Variants in MGAT4C observed in about 807,000 individuals in gnomAD.
The protein encoded by MGAT4C is alpha-1,3-mannosyl-glycoprotein 4-beta-N-acetylglucosaminyltransferase C.
A neutral mutation model predicts 40.1 loss-of-function variants in MGAT4C; 19 were observed. That is an observed-to-expected ratio of 0.47 (90% CI 0.33 to 0.70). MGAT4C has a LOEUF of 0.70. Ranked by LOEUF, MGAT4C falls within the 30% of genes least tolerant of loss-of-function variation. The pLI is 0.02. For synonymous variants in MGAT4C, 181 were observed against 187.1 expected, an observed-to-expected ratio of 0.97 and a Z score of 0.27; for missense variants, 491 against 563.2, an observed-to-expected ratio of 0.87 and a Z score of 1.30.
intron 2 of MGAT4C, among the ~76,000 whole-genome samples, chr12:86,003,975 A>C (rs1592662211): frequency 6.6e-6 from 1 of 152,106 alleles, no homozygotes; most frequent in East Asian, 1.9e-4. Flanking sequence ...TTGATTATTT[A>C]AGAGAACTGA....
chr12:86,104,736 T>G (rs958126852), intron 1 of MGAT4C, among the ~76,000 whole-genome samples: 1 of 152,214 alleles, frequency 6.6e-6, no homozygotes, highest in Admixed American at 6.5e-5. Context: ...ATAAGTGAAG[T>G]ATGTTTTCTG....
chr12:86,696,381 G>C (rs545777041), intron 2 of MGAT4C, among the ~76,000 whole-genome samples: 45 of 152,162 alleles, frequency 3.0e-4, no homozygotes, highest in African/African-American at 1.1e-3. Context: ...AAAAAAAGTG[G>C]TTAGTCAAAA....
intron 1 of MGAT4C, among the ~76,000 whole-genome samples, chr12:86,760,404 T>G (rs368749821): frequency 4.6e-5 from 7 of 151,958 alleles, no homozygotes; most frequent in African/African-American, 1.7e-4. Context: ...TTTGGATAAG[T>G]AGCTTTTCCA....
intron 3 of MGAT4C, among the ~76,000 whole-genome samples, chr12:86,337,685 G>A (rs947298270): frequency 6.6e-6 from 1 of 151,774 alleles, no homozygotes; most frequent in African/African-American, 2.4e-5. Context: ...AACTTTGTTT[G>A]AGTAAATATT....
At chr12:86,663,911 A>G (rs1964039251) in intron 2 of MGAT4C, among the ~76,000 whole-genome samples, 1 of 152,182 alleles carries the variant, frequency 6.6e-6, no homozygotes, top group Admixed American at 6.5e-5. Context: ...CCAACACTGA[A>G]GTTCAAATTA....
intron 1 of MGAT4C, among the ~76,000 whole-genome samples, chr12:86,202,283 T>C (rs1950081800): frequency 6.6e-6 from 1 of 152,090 alleles, no homozygotes; most frequent in Non-Finnish European, 1.5e-5. Context: ...AGAGGAAATT[T>C]TCATTTATTC....
At chr12:86,443,750 T>C (rs966626621) in intron 2 of MGAT4C, among the ~76,000 whole-genome samples, 5 of 151,964 alleles carry the variant, frequency 3.3e-5, no homozygotes, top group Admixed American at 6.6e-5. Flanking sequence ...CCTGCCACCA[T>C]GTCAGGCTAA....
intron 2 of MGAT4C, among the ~76,000 whole-genome samples, chr12:86,486,683 A>G (rs1404318497): frequency 6.6e-6 from 1 of 152,160 alleles, no homozygotes; most frequent in Non-Finnish European, 1.5e-5. Context: ...GCAAACAACT[A>G]ACAAAAAAAT....
intron 3 of MGAT4C, among the ~76,000 whole-genome samples, chr12:86,424,915 C>T (rs1956897277): frequency 6.6e-6 from 1 of 152,018 alleles, no homozygotes; most frequent in Non-Finnish European, 1.5e-5. Flanking sequence ...TGCTCCAATG[C>T]CTGGCTAATT....
intron 1 of MGAT4C, among the ~76,000 whole-genome samples, chr12:86,144,616 T>C (rs956013090): frequency 6.6e-6 from 1 of 152,218 alleles, no homozygotes; most frequent in South Asian, 2.1e-4. Flanking sequence ...ATTCATTTTA[T>C]CAGGATCTCA....
At chr12:86,201,193 T>C (rs1216356840) in intron 1 of MGAT4C, among the ~76,000 whole-genome samples, 1 of 152,208 alleles carries the variant, frequency 6.6e-6, no homozygotes, top group Non-Finnish European at 1.5e-5. Context: ...TTCTAGAAAC[T>C]ATTATTTTAA....
chr12:86,492,215 T>A (rs535056525), intron 2 of MGAT4C, among the ~76,000 whole-genome samples: 11 of 152,298 alleles, frequency 7.2e-5, no homozygotes, highest in African/African-American at 2.6e-4. Flanking sequence ...AAAATGGCCA[T>A]ATTGCCCAAG....
chr12:86,773,122 G>A (rs1358529756), intron 1 of MGAT4C, among the ~76,000 whole-genome samples: 2 of 152,112 alleles, frequency 1.3e-5, no homozygotes, highest in Non-Finnish European at 1.5e-5. Context: ...CACAGAATGT[G>A]ACTATATTTG....
At chr12:86,507,210 T>C (rs1053385929) in intron 2 of MGAT4C, among the ~76,000 whole-genome samples, 13 of 152,222 alleles carry the variant, frequency 8.5e-5, no homozygotes, top group Non-Finnish European at 1.5e-5. Flanking sequence ...GAACCTCATC[T>C]AGAAAATACA....
intron 1 of MGAT4C, among the ~76,000 whole-genome samples, chr12:86,177,172 A>G (rs552199287): frequency 6.6e-6 from 1 of 152,110 alleles, no homozygotes; most frequent in Non-Finnish European, 1.5e-5. Context: ...GATTACAGCT[A>G]CTGGGAAATT....
At chr12:86,317,015 AAAG>A (rs1214347144) in intron 4 of MGAT4C, among the ~76,000 whole-genome samples, 4 of 152,038 alleles carry the variant, frequency 2.6e-5, no homozygotes, top group Non-Finnish European at 5.9e-5. Flanking sequence ...AGGACAGAAA[AAAG>A]AAGGGACAAA....
chr12:86,090,242 C>G (rs931073369), intron 1 of MGAT4C, among the ~76,000 whole-genome samples: 1 of 151,374 alleles, frequency 6.6e-6, no homozygotes, highest in African/African-American at 2.4e-5. Flanking sequence ...TATGATGGTA[C>G]TAAACATATT....
At chr12:86,132,850 T>G (rs972470925) in intron 1 of MGAT4C, among the ~76,000 whole-genome samples, 2 of 151,708 alleles carry the variant, frequency 1.3e-5, no homozygotes, top group African/African-American at 4.8e-5. Flanking sequence ...TAAATGTTAT[T>G]ATTTCTCAAA....
At chr12:86,103,560 T>TCTGATCTTA (rs1442136804) in intron 1 of MGAT4C, among the ~76,000 whole-genome samples, 1 of 152,166 alleles carries the variant, frequency 6.6e-6, no homozygotes, top group Non-Finnish European at 1.5e-5. Flanking sequence ...ATTTTGGACT[T>TCTGATCTTA]CTGATCTTAA....
Sources: gnomAD v4.1 joint callset for allele counts (sites outside exome capture counted in the v4.1 genomes callset) on GRCh38, gnomAD v4.1.1 for gene constraint, MANE v1.5 for transcripts, NCBI Gene and HGNC (gene_info 2026-07-23, HGNC 2026-07-21) for gene names.